RIMS1: variants seen among roughly 807,000 people sequenced by gnomAD.
RIMS1 encodes regulating synaptic membrane exocytosis 1.
In RIMS1, 83 loss-of-function variants were observed where a neutral mutation model predicts 214.1. The observed-to-expected ratio is 0.39, with a 90% CI of 0.32 to 0.47. The LOEUF is 0.47. Ranked by LOEUF, RIMS1 falls within the 20% of genes least tolerant of loss-of-function variation. The probability of loss-of-function intolerance (pLI) is 0.99; values close to 1 mark genes in which losing one functional copy is unlikely to be tolerated. For synonymous variants in RIMS1, 793 were observed against 786.8 expected, an observed-to-expected ratio of 1.01 and a Z score of -0.13; for missense variants, 2,050 against 2,161.8, an observed-to-expected ratio of 0.95 and a Z score of 1.03.
intron 6 of RIMS1, among the ~76,000 whole-genome samples, chr6:72,196,377 G>GTTTA (rs1334799674): frequency 2.1e-4 from 30 of 144,090 alleles, no homozygotes; most frequent in Middle Eastern, 3.4e-3. Context: ...CTGTCTGTCT[G>GTTTA]TCTATCTATC....
At chr6:72,379,988 G>C (rs2098457809) in intron 29 of RIMS1, among the ~76,000 whole-genome samples, 1 of 152,124 alleles carries the variant, frequency 6.6e-6, no homozygotes, top group African/African-American at 2.4e-5. Context: ...GCAAAGACTT[G>C]GAACCAACCC....
chr6:71,899,644 A>T (rs541193881), intron 1 of RIMS1, among the ~76,000 whole-genome samples: 2 of 152,244 alleles, frequency 1.3e-5, no homozygotes, highest in South Asian at 2.1e-4. Context: ...GTATATTTGT[A>T]TGATCTAGAC....
At position 71,943,606 on chromosome 6, in the gene RIMS1, G is replaced by A. The variant is rs549973114; in HGVS notation, c.165-25377G>A. The stretch of plus-strand genomic sequence containing the variant: ...GTGATTCTGTACACATCAAAGGACC[G>A]GCTGTTAGTGTGAATGCAGCATAAT... On this transcript the variant is annotated intron_variant, in intron 1 of 33. Coordinates refer to ENST00000521978, the MANE Select transcript of RIMS1 (RefSeq NM_014989.7). Among the ~76,000 whole-genome samples, 29 of 152,200 alleles carry A rather than the reference G, an allele frequency of 1.9e-4. 1 individual carries two copies. The South Asian group carries it at 5.0e-3, about 26-fold the overall frequency.
At position 72,110,599 on chromosome 6, in the gene RIMS1, T is replaced by G. The variant is rs553048893; in HGVS notation, c.471+10613T>G. 2.5e-3 allele frequency among the ~76,000 whole-genome samples: 369 copies of G among 149,864 alleles called. 1 individual carries two copies. The highest frequency in any genetic ancestry group is 8.7e-3 in the African/African-American group (352 of 40,592). ...GTTGCTTATCAGCTTAAGGAGATTT[T>G]GGGCTGAGACAATGGGGTTTTCTAG... On this transcript the variant is annotated intron_variant, in intron 4 of 33. Coordinates refer to ENST00000521978, the MANE Select transcript of RIMS1 (RefSeq NM_014989.7).
At chr6:72,145,998 AG>A (rs1012293486) in intron 4 of RIMS1, among the ~76,000 whole-genome samples, 3 of 152,248 alleles carry the variant, frequency 2.0e-5, no homozygotes, top group African/African-American at 7.2e-5. Flanking sequence ...AATTGTTAAA[AG>A]CTGTAAATAG....
chr6:72,008,080 C>T (rs9446536), intron 2 of RIMS1, among the ~76,000 whole-genome samples: 1,984 of 152,230 alleles, frequency 0.013, 38 homozygotes, highest in African/African-American at 0.045. Context: ...AGAGAAAGGT[C>T]GGGTTACCCA....
chr6:72,310,469 G>A (rs2095455232), intron 27 of RIMS1, among the ~76,000 whole-genome samples: 2 of 151,840 alleles, frequency 1.3e-5, no homozygotes, highest in African/African-American at 4.8e-5. Context: ...ATAATTAGAG[G>A]TGAATTCACA....
chr6:72,294,233 G>A (rs764828443), intron 26 of RIMS1, among the ~76,000 whole-genome samples: 15 of 151,650 alleles, frequency 9.9e-5, no homozygotes, highest in Non-Finnish European at 1.8e-4. Flanking sequence ...TTTGATTTAT[G>A]AGTTAGATAG....
intron 6 of RIMS1, among the ~76,000 whole-genome samples, chr6:72,229,770 G>A (rs1477618811): frequency 6.6e-6 from 1 of 151,788 alleles, no homozygotes; most frequent in Non-Finnish European, 1.5e-5. Context: ...TTTAACTCTT[G>A]TGTATGAGAC....
intron 22 of RIMS1, among the ~76,000 whole-genome samples, chr6:72,270,528 G>A (rs1320012493): frequency 6.6e-6 from 1 of 152,158 alleles, no homozygotes; most frequent in Non-Finnish European, 1.5e-5. Context: ...GTTGGATTGA[G>A]CTGTGAGTTA....
At chr6:72,068,170 G>T (rs1412325744) in intron 2 of RIMS1, among the ~76,000 whole-genome samples, 1 of 152,136 alleles carries the variant, frequency 6.6e-6, no homozygotes, top group African/African-American at 2.4e-5. Context: ...TTGGTCCATG[G>T]TAACGAGTAT....
At chr6:71,918,769 A>T (rs1279534614) in intron 1 of RIMS1, among the ~76,000 whole-genome samples, 1 of 152,158 alleles carries the variant, frequency 6.6e-6, no homozygotes, top group Admixed American at 6.5e-5. Flanking sequence ...AGAAAAGACT[A>T]TAGAGCCAGG....
At chr6:72,125,635 G>A (rs1219257556) in intron 4 of RIMS1, among the ~76,000 whole-genome samples, 1 of 152,218 alleles carries the variant, frequency 6.6e-6, no homozygotes, top group Admixed American at 6.5e-5. Flanking sequence ...GCTGCAGTGG[G>A]GTCCACCCAG....
At chr6:72,185,949 T>C (rs1163639569) in intron 6 of RIMS1, among the ~76,000 whole-genome samples, 5 of 152,236 alleles carry the variant, frequency 3.3e-5, no homozygotes, top group African/African-American at 1.2e-4. Flanking sequence ...GATCCACTTT[T>C]ACTTAATGAC....
intron 2 of RIMS1, among the ~76,000 whole-genome samples, chr6:71,972,931 T>A (rs1293018303): frequency 6.6e-6 from 1 of 152,220 alleles, no homozygotes; most frequent in Admixed American, 6.5e-5. Flanking sequence ...TTGTTTGTTT[T>A]TTGAGACGGA....
chr6:71,912,616 A>G (rs558174297), intron 1 of RIMS1, among the ~76,000 whole-genome samples: 39 of 152,252 alleles, frequency 2.6e-4, no homozygotes, highest in African/African-American at 9.1e-4. Flanking sequence ...TGCAATGACC[A>G]AGAACATCTT....
chr6:72,363,059 G>A (rs868325698), intron 29 of RIMS1, among the ~76,000 whole-genome samples: 11 of 152,098 alleles, frequency 7.2e-5, no homozygotes, highest in South Asian at 4.1e-4. Context: ...AAGAGGTATA[G>A]GGCCCTGTGA....
intron 2 of RIMS1, among the ~76,000 whole-genome samples, chr6:71,988,688 G>C (rs959239432): frequency 3.3e-5 from 5 of 152,164 alleles, no homozygotes; most frequent in African/African-American, 1.2e-4. Flanking sequence ...TAAACAATGG[G>C]TGAACCTAGA....
intron 25 of RIMS1, 131 bp from the exon 26 acceptor site, chr6:72,291,802 GT>G (rs1157008062): frequency 4.2e-6 from 3 of 714,982 alleles, no homozygotes; most frequent in Non-Finnish European, 7.7e-6. Flanking sequence ...CATAAAAAGT[GT>G]TTGATTCTGC....
Sources: allele counts gnomAD v4.1 joint callset (sites outside exome capture counted in the v4.1 genomes callset), GRCh38; gene constraint gnomAD v4.1.1; transcripts MANE v1.5; gene names NCBI Gene and HGNC (gene_info 2026-07-23, HGNC 2026-07-21).